The following SUGCT variants were observed in gnomAD, a reference collection of about 807,000 sequenced individuals.
The protein encoded by SUGCT is succinyl-CoA:glutarate CoA-transferase.
SUGCT carries 41 observed loss-of-function variants against 55.0 expected under a neutral mutation model. The observed-to-expected ratio is 0.74, with a 90% CI of 0.58 to 0.97. The LOEUF (loss-of-function observed/expected upper bound fraction) is 0.97. Among genes scored for constraint, SUGCT ranks in the 50% least tolerant of loss-of-function variants. The pLI, the probability that SUGCT is intolerant of heterozygous loss-of-function variation, is 0.00. For missense variants in SUGCT, 568 were observed against 547.8 expected (o/e 1.04, Z -0.37); for synonymous variants, 187 against 200.4 (o/e 0.93, Z 0.56).
chr7:40,182,035 C>G lies in SUGCT; in HGVS notation c.226+7C>G. On this transcript the variant is annotated splice_region_variant and intron_variant, in intron 3 of 13. Coordinates refer to ENST00000335693, the MANE Select transcript of SUGCT (RefSeq NM_001193313.2). ...ATAAAAGTGGAGAGACCAGGTAAAG[C>G]TATTACTCCCTTTAAAAAATAGAAA... 1 of 1,497,252 alleles carries G rather than the reference C, an allele frequency of 6.7e-7. No individual in the cohort carries two copies. Among genetic ancestry groups the G allele is most frequent in the Non-Finnish European group, 9.1e-7 (1 of 1,096,282 alleles). 92.7% of individuals were successfully genotyped at this position (1,497,252 alleles called of 1,614,324 possible). A position where few individuals can be genotyped will look rare whatever the true frequency, so the allele number is the denominator to read the frequency against.
At chr7:40,290,366 T>C (rs2151046346) in intron 8 of SUGCT, among the ~76,000 whole-genome samples, 1 of 152,320 alleles carries the variant, frequency 6.6e-6, no homozygotes, top group African/African-American at 2.4e-5. Flanking sequence ...TCTACAACCA[T>C]CTGATCTTTG....
intron 12 of SUGCT, among the ~76,000 whole-genome samples, chr7:40,595,995 G>A (rs1224256356): frequency 6.6e-6 from 1 of 152,156 alleles, no homozygotes; most frequent in East Asian, 1.9e-4. Context: ...TGGACATGTT[G>A]AAGAACAAAT....
chr7:40,654,876 A>G (rs190583370), intron 12 of SUGCT, among the ~76,000 whole-genome samples: 28 of 152,286 alleles, frequency 1.8e-4, no homozygotes, highest in African/African-American at 6.5e-4. Context: ...CACAGATTCA[A>G]GTGGGGGAAA....
At chr7:40,845,643 A>C (rs915772079) in intron 13 of SUGCT, among the ~76,000 whole-genome samples, 23 of 152,204 alleles carry the variant, frequency 1.5e-4, no homozygotes, top group African/African-American at 5.6e-4. Context: ...CATAGAGAGA[A>C]AGGACTTTCT....
intron 1 of SUGCT, among the ~76,000 whole-genome samples, chr7:40,164,230 C>T (rs554439712): frequency 2.6e-5 from 4 of 151,618 alleles, no homozygotes; most frequent in African/African-American, 4.9e-5. Flanking sequence ...TGGGTTCAAG[C>T]GATTCTCCTG....
chr7:40,166,220 A>G (rs1784418038), intron 1 of SUGCT, among the ~76,000 whole-genome samples: 1 of 152,220 alleles, frequency 6.6e-6, no homozygotes, highest in African/African-American at 2.4e-5. Context: ...TAAAACTTGC[A>G]AACTCCATGA....
chr7:40,989,977 C>A, the SUGCT span, among the ~76,000 whole-genome samples: 1 of 152,202 alleles, frequency 6.6e-6, no homozygotes, highest in Non-Finnish European at 1.5e-5. Context: ...CTTCCTAACT[C>A]CTGTTAATGT....
At chr7:40,154,157 A>G in intron 1 of SUGCT, 1 of 210,640 alleles carries the variant, frequency 4.7e-6, no homozygotes, top group Admixed American at 4.8e-5. Flanking sequence ...GAGCTCTGGT[A>G]ATGCAAAGAT....
At chr7:40,188,653 G>T in intron 4 of SUGCT, 73 bp downstream of exon 4, 1 of 916,288 alleles carries the variant, frequency 1.1e-6, no homozygotes, top group East Asian at 2.9e-5. Flanking sequence ...ATATCATTGT[G>T]GCTTGTTTTT....
intron 12 of SUGCT, among the ~76,000 whole-genome samples, chr7:40,719,769 C>G (rs188100518): frequency 2.0e-5 from 3 of 152,126 alleles, no homozygotes; most frequent in African/African-American, 7.2e-5. Context: ...TTAGGTGAGA[C>G]GTCACTTAGT....
At chr7:40,878,137 A>G in the SUGCT span, among the ~76,000 whole-genome samples, 1 of 152,022 alleles carries the variant, frequency 6.6e-6, no homozygotes, top group African/African-American at 2.4e-5. Context: ...TTGAATTTTA[A>G]TTTCCAGCAG....
chr7:40,350,740 C>T (rs1797583592), intron 9 of SUGCT, among the ~76,000 whole-genome samples: 1 of 151,972 alleles, frequency 6.6e-6, no homozygotes, highest in Non-Finnish European at 1.5e-5. Context: ...TTGCTGCACC[C>T]ATCAACCCGT....
At chr7:40,472,643 A>T (rs1053179318) in intron 11 of SUGCT, among the ~76,000 whole-genome samples, 1 of 151,906 alleles carries the variant, frequency 6.6e-6, no homozygotes, top group African/African-American at 2.4e-5. Flanking sequence ...AGCAAACCAC[A>T]TAATGCCAAT....
intron 12 of SUGCT, among the ~76,000 whole-genome samples, chr7:40,572,173 G>A (rs1796486356): frequency 6.6e-6 from 1 of 151,992 alleles, no homozygotes. Flanking sequence ...ATGAGACACT[G>A]GCTTTCCAGG....
At chr7:40,344,967 C>A (rs1009925954) in intron 9 of SUGCT, among the ~76,000 whole-genome samples, 1 of 152,142 alleles carries the variant, frequency 6.6e-6, no homozygotes, top group Non-Finnish European at 1.5e-5. Flanking sequence ...ACATAGTATT[C>A]GATTCTCCAT....
At chr7:40,988,695 G>A in the SUGCT span, among the ~76,000 whole-genome samples, 43 of 152,160 alleles carry the variant, frequency 2.8e-4, no homozygotes, top group African/African-American at 8.7e-4. Flanking sequence ...TGAGAAAAGC[G>A]TTAAAGATAA....
intron 8 of SUGCT, among the ~76,000 whole-genome samples, chr7:40,302,922 C>T (rs117249145): frequency 0.013 from 1,999 of 152,276 alleles, 15 homozygotes; most frequent in Non-Finnish European, 0.021. Flanking sequence ...GGCAACCACT[C>T]ATAGGCATCT....
chr7:40,338,647 G>A (rs952874089), intron 9 of SUGCT, among the ~76,000 whole-genome samples: 8 of 151,982 alleles, frequency 5.3e-5, no homozygotes, highest in South Asian at 4.2e-4. Flanking sequence ...TTAGCCATTC[G>A]TCTTATCTTT....
the SUGCT span, among the ~76,000 whole-genome samples, chr7:41,017,424 C>T: frequency 6.6e-6 from 1 of 152,188 alleles, no homozygotes; most frequent in African/African-American, 2.4e-5. Flanking sequence ...TCCCCTTCTT[C>T]ACATCAAGGA....
Sources: gnomAD v4.1 joint callset for allele counts (sites outside exome capture counted in the v4.1 genomes callset) on GRCh38, gnomAD v4.1.1 for gene constraint, MANE v1.5 for transcripts, NCBI Gene and HGNC (gene_info 2026-07-23, HGNC 2026-07-21) for gene names.